The following ESPNL variants were observed in gnomAD, a reference collection of about 807,000 sequenced individuals.
ESPNL encodes the protein espin like.
ESPNL carries 49 observed loss-of-function variants against 46.8 expected under a neutral mutation model. The ratio of observed to expected loss-of-function variants is 1.05; its 90% CI spans 0.83 to 1.33. The LOEUF is 1.33. ESPNL is among the 40% of genes most tolerant of loss of function. The pLI is 0.00. For missense variants in ESPNL, 1,540 were observed against 1,436.6 expected (o/e 1.07, Z -1.16); for synonymous variants, 664 against 662.1 (o/e 1.00, Z -0.04).
Position 238,100,469 on chromosome 2 carries a change from C to T in ESPNL, c.50C>T (p.Thr17Met), listed in dbSNP as rs955158867. ...GCCGCCAAGGATGGGGATGTGGCGA[C>T]GTTGGAGCGGCTGCTGGAGGCTGGC... ...LVAAKDGDVA[T>M]LERLLEAGAL... Residue 17 changes from threonine (T) to methionine (M), a missense_variant, in exon 1 of 9, where the codon ACG (threonine) becomes ATG (methionine). Transcript: ENST00000343063. 23 of 1,604,846 alleles carry T rather than the reference C, an allele frequency of 1.4e-5. No homozygotes were observed. The East Asian group carries it at 2.9e-4, about 20-fold the overall frequency.
At chr2:238,124,408 C>G (rs1048735636) in intron 5 of ESPNL, among the ~76,000 whole-genome samples, 1 of 152,244 alleles carries the variant, frequency 6.6e-6, no homozygotes, top group African/African-American at 2.4e-5. Context: ...TCCTAGTCCA[C>G]TGCCCTTCCC....
At chr2:238,115,395 A>T (rs1691794388) in intron 4 of ESPNL, among the ~76,000 whole-genome samples, 1 of 152,200 alleles carries the variant, frequency 6.6e-6, no homozygotes, top group African/African-American at 2.4e-5. Context: ...TGCCGACCAT[A>T]GATCAATGCA....
At chr2:238,118,771 GGAGGAGGGGA>G (rs1691894411) in intron 5 of ESPNL, among the ~76,000 whole-genome samples, 4 of 55,650 alleles carry the variant, frequency 7.2e-5, no homozygotes, top group Admixed American at 1.6e-4. Context: ...GAGGGTGGAT[GGAGGAGGGGA>G]GATGGAGGAG....
At chr2:238,108,749 G>C (rs1025688558) in intron 4 of ESPNL, among the ~76,000 whole-genome samples, 1 of 152,172 alleles carries the variant, frequency 6.6e-6, no homozygotes, top group African/African-American at 2.4e-5. Context: ...ACCAACCATC[G>C]CATTCTGGGT....
At position 238,131,920 on chromosome 2, in the gene ESPNL, C is replaced by T. The variant is rs1008952724; in HGVS notation, c.*188C>T. 4 of 640,526 alleles carry T rather than the reference C, an allele frequency of 6.2e-6. No individual in the cohort carries two copies. Among genetic ancestry groups the T allele is most frequent in the Non-Finnish European group, 1.0e-5 (4 of 384,386 alleles). 39.7% of individuals were successfully genotyped at this position (640,526 alleles called of 1,614,324 possible). A position where few individuals can be genotyped will look rare whatever the true frequency, so the allele number is the denominator to read the frequency against. On this transcript the variant is annotated 3_prime_UTR_variant, in exon 9 of 9. Coordinates refer to ENST00000343063, the MANE Select transcript of ESPNL (RefSeq NM_194312.4). ...CTCCTCCGAGCTGGGACTCAGACTC[C>T]TTCTCACCACTGCACCCAGGAAGCC...
Position 238,130,341 on chromosome 2 carries a change from G to A in ESPNL, c.1627G>A (p.Glu543Lys), listed in dbSNP as rs575819096. The A allele has an allele frequency of 1.6e-4, 257 of 1,608,458 alleles. 1 individual carries two copies. Among genetic ancestry groups the A allele is most frequent in the South Asian group, 1.5e-3 (136 of 90,456 alleles). Residue 543 changes from glutamate to lysine, a missense_variant, in exon 9 of 9, where the codon GAG (glutamate) becomes AAG (lysine). By Grantham distance (56) the Glu-to-Lys change is moderately conservative. Transcript: ENST00000343063. ...LAAELQALLP[E>K]PLVSITVNSH... Reference sequence around the variant, plus strand: ...GGCTGAGCTGCAGGCCCTGCTGCCCGAGCCCCTGGTCAGCATCACGGTCAA... The same window carrying A: ...GGCTGAGCTGCAGGCCCTGCTGCCCAAGCCCCTGGTCAGCATCACGGTCAA...
chr2:238,131,593 G>T lies in ESPNL; in HGVS notation c.2879G>T (p.Gly960Val). The T allele has an allele frequency of 2.5e-6, 4 of 1,611,746 alleles. No homozygotes were observed. Among genetic ancestry groups the T allele is most frequent in the Non-Finnish European group, 3.4e-6 (4 of 1,179,218 alleles). The change falls in exon 9 of 9, where the codon GGC becomes GTC. Residue 960 changes from glycine (G) to valine (V), a missense_variant. Transcript: ENST00000343063. ...CCTCACGCCGCCGTCCCCTGCAGCG[G>T]CCCTGAGCCCACAGCACAGCGGCTG... ...PLPHAAVPCSGPEPTAQRLGS... is the reference protein window; with the variant it reads ...PLPHAAVPCSVPEPTAQRLGS...
At chr2:238,129,983 C>A in intron 8 of ESPNL, 145 bp from the exon 9 acceptor site, 1 of 916,238 alleles carries the variant, frequency 1.1e-6, no homozygotes, top group East Asian at 2.7e-5. Flanking sequence ...GGCTTCTGCC[C>A]TAGCTGGGAA....
In ESPNL at chr2:238,130,489, G is replaced by T. The variant is rs200755257; in HGVS notation, c.1775G>T (p.Trp592Leu). Residue 592 changes from tryptophan to leucine, a missense_variant, in exon 9 of 9, where the codon TGG becomes TTG. Trp to Leu is a moderately conservative substitution (Grantham distance 61). Coordinates refer to ENST00000343063, the MANE Select transcript of ESPNL (RefSeq NM_194312.4). ...CCCGGGGTGCAGCCCCTGCCCTTCT[G>T]GTGCAGCCACATCTCCCGCCTGGTA... ...VAPGVQPLPFWCSHISRLVRS... is the reference protein window; with the variant it reads ...VAPGVQPLPFLCSHISRLVRS... 3.1e-4 allele frequency: 492 copies of T among 1,598,718 alleles called. 1 individual carries two copies. The African/African-American group carries it at 4.7e-3, about 15-fold the overall frequency.
chr2:238,105,632 G>C (rs990875126), intron 3 of ESPNL, among the ~76,000 whole-genome samples: 2 of 152,156 alleles, frequency 1.3e-5, no homozygotes, highest in African/African-American at 4.8e-5. Flanking sequence ...AACTTCCTGA[G>C]GGGGGCACAG....
intron 5 of ESPNL, among the ~76,000 whole-genome samples, chr2:238,117,698 C>T (rs1188653860): frequency 2.6e-5 from 4 of 152,184 alleles, no homozygotes; most frequent in Admixed American, 6.5e-5. Context: ...GCCCTTAGAA[C>T]GTGACAGAGC....
chr2:238,130,657 G>T lies in ESPNL; in HGVS notation c.1943G>T (p.Trp648Leu), dbSNP rs201635024. ...GAGGCCCAGCGCCAGATCCAGGAGT[G>T]GGGGGTGTCTGTGCGGACGCTGCGG... ...RSEAQRQIQE[W>L]GVSVRTLRGN... The change falls in exon 9 of 9, where the codon TGG (tryptophan) becomes TTG (leucine). Residue 648 changes from tryptophan to leucine, a missense_variant. Transcript: ENST00000343063. 2,568 of 1,561,318 alleles carry T rather than the reference G, an allele frequency of 1.6e-3. 4 individuals are homozygous for T. The highest frequency in any genetic ancestry group is 2.1e-3 in the Non-Finnish European group (2,391 of 1,153,208).
intron 4 of ESPNL, among the ~76,000 whole-genome samples, chr2:238,108,939 C>T (rs10186582): frequency 1.3e-5 from 2 of 152,036 alleles, no homozygotes; most frequent in South Asian, 2.1e-4. Flanking sequence ...CCCAATCCCC[C>T]CTCCCGGCAG....
In ESPNL at chr2:238,128,727, G is replaced by T. The variant is rs755676191; in HGVS notation, c.1236G>T (p.Ala412=). The stretch of plus-strand genomic sequence containing the variant: ...CACAGGGGACAGAGACGGCGCTGGC[G>T]GGGGACACCTCAGATGGCCTGGCCG... ...ADPEGTETAL[A]GDTSDGLAAL... Residue 412 remains alanine, a synonymous_variant, in exon 8 of 9, where the codon GCG becomes GCT. Transcript: ENST00000343063. 1 of 1,601,600 alleles carries T rather than the reference G, an allele frequency of 6.2e-7. No homozygotes were observed. The highest frequency in any genetic ancestry group is 8.5e-7 in the Non-Finnish European group (1 of 1,175,002).
In ESPNL at chr2:238,128,880, C is replaced by G. The variant is rs1314871810; in HGVS notation, c.1389C>G (p.Gly463=). The G allele has an allele frequency of 3.2e-6, 5 of 1,544,018 alleles. No individual in the cohort carries two copies. In the Admixed American group the frequency reaches 5.9e-5, roughly 18 times the overall value. ...VMVRKLQARL[G]AESSAEAQDN... ...TGCGGAAGCTGCAGGCGCGCCTGGG[C>G]GCAGAGAGCTCCGCAGAGGCCCAGG... Residue 463 remains glycine (G), a synonymous_variant, in exon 8 of 9, where the codon GGC becomes GGG. Transcript: ENST00000343063.
chr2:238,131,739 T>C lies in ESPNL; in HGVS notation c.*7T>C. 1 of 1,567,572 alleles carries C rather than the reference T, an allele frequency of 6.4e-7. No individual in the cohort carries two copies. The highest frequency in any genetic ancestry group is 8.7e-7 in the Non-Finnish European group (1 of 1,151,672). On this transcript the variant is annotated 3_prime_UTR_variant, in exon 9 of 9. Coordinates refer to ENST00000343063, the MANE Select transcript of ESPNL (RefSeq NM_194312.4). ...GTTCAACTTTGGAGAATGACCCTAC[T>C]GGCAGCCTGCTTTCCAGAATGTGGT...
intron 4 of ESPNL, 70 bp downstream of exon 4, chr2:238,108,043 A>AC (rs992443157): frequency 1.4e-6 from 2 of 1,419,464 alleles, no homozygotes; most frequent in African/African-American, 1.4e-5. Flanking sequence ...TGTGTCACTG[A>AC]CCCTCACAGC....
At chr2:238,127,838 C>A in intron 7 of ESPNL, 104 bp downstream of exon 7, 1 of 845,262 alleles carries the variant, frequency 1.2e-6, no homozygotes, top group South Asian at 1.7e-5. Context: ...CCAGGCCTTT[C>A]CTGAAGGGTG....
intron 2 of ESPNL, among the ~76,000 whole-genome samples, chr2:238,104,015 G>A (rs927064459): frequency 1.3e-5 from 2 of 152,188 alleles, no homozygotes; most frequent in African/African-American, 2.4e-5. Context: ...CCTCTGGGGT[G>A]GACACTGAGT....
Sources: gnomAD v4.1 joint callset for allele counts (sites outside exome capture counted in the v4.1 genomes callset) on GRCh38, gnomAD v4.1.1 for gene constraint, MANE v1.5 for transcripts, NCBI Gene and HGNC (gene_info 2026-07-23, HGNC 2026-07-21) for gene names.